Variants in TMEM243 observed in about 807,000 individuals in gnomAD.
The protein encoded by TMEM243 is transmembrane protein 243, also known as MDR1 and mitochondrial taxol resistance associated.
Under a neutral mutation model 15.0 loss-of-function variants are expected in TMEM243, and 20 were observed. The observed-to-expected ratio is 1.33, with a 90% CI of 0.94 to 1.93. The LOEUF (loss-of-function observed/expected upper bound fraction) is 1.93. Ranked by LOEUF, TMEM243 falls within the 30% of genes most tolerant of loss-of-function variation. The probability of loss-of-function intolerance (pLI) is 0.00; values close to 1 mark genes in which losing one functional copy is unlikely to be tolerated. For synonymous variants in TMEM243, 72 were observed against 52.7 expected (o/e 1.37, Z -1.59); for missense variants, 156 against 142.1 (o/e 1.10, Z -0.50).
At chr7:87,196,925 C>T (rs906698252) in intron 3 of TMEM243, among the ~76,000 whole-genome samples, 167 bp from the exon 4 acceptor site, 2 of 138,468 alleles carry the variant, frequency 1.4e-5, no homozygotes, top group African/African-American at 5.0e-5. Context: ...TTAATTCTTA[C>T]TCTGAGTTTC....
At chr7:87,197,613 T>C (rs1487915869) in intron 3 of TMEM243, 2 of 716,312 alleles carry the variant, frequency 2.8e-6, no homozygotes, top group Non-Finnish European at 4.1e-6. Flanking sequence ...CCAAAGACTG[T>C]TGGCCCTTAC....
At chr7:87,197,667 G>A in intron 3 of TMEM243, 2 of 1,244,364 alleles carry the variant, frequency 1.6e-6, no homozygotes, top group Non-Finnish European at 2.1e-6. Context: ...AAAATCTTTG[G>A]CCACCTACGT....
At chr7:87,208,148 T>C (rs1455110014) in intron 1 of TMEM243, among the ~76,000 whole-genome samples, 1 of 152,124 alleles carries the variant, frequency 6.6e-6, no homozygotes, top group Non-Finnish European at 1.5e-5. Context: ...TCAAAACCAA[T>C]CATGCCTTTG....
At chr7:87,218,543 T>C (rs1171802535) in intron 1 of TMEM243, 1 of 151,824 alleles carries the variant, frequency 6.6e-6, no homozygotes, top group East Asian at 1.9e-4. Context: ...GCATTACCTT[T>C]GGAGAGTTGA....
At chr7:87,209,842 CAGTGAGAGCGA>C (rs1410897879) in intron 1 of TMEM243, among the ~76,000 whole-genome samples, 9 of 117,882 alleles carry the variant, frequency 7.6e-5, no homozygotes, top group African/African-American at 2.2e-4. Context: ...GAGAGAGAGA[CAGTGAGAGCGA>C]GAGAGAGAGA....
At chr7:87,212,813 A>T (rs1247674732) in intron 1 of TMEM243, among the ~76,000 whole-genome samples, 1 of 152,170 alleles carries the variant, frequency 6.6e-6, no homozygotes, top group Non-Finnish European at 1.5e-5. Flanking sequence ...TTGGTAAGTC[A>T]TTGTCCCTAG....
At chr7:87,199,122 T>G (rs1801601813) in intron 1 of TMEM243, 65 bp from the exon 2 acceptor site, 2 of 1,331,238 alleles carry the variant, frequency 1.5e-6, no homozygotes, top group South Asian at 2.7e-5. Context: ...TATAGTACAA[T>G]GCAAGGCATT....
chr7:87,215,817 G>T (rs926732745), intron 1 of TMEM243, among the ~76,000 whole-genome samples: 1 of 152,190 alleles, frequency 6.6e-6, no homozygotes, highest in East Asian at 1.9e-4. Context: ...TCTTACAAAA[G>T]ATGAACACCT....
At chr7:87,211,291 C>T (rs995785184) in intron 1 of TMEM243, among the ~76,000 whole-genome samples, 1 of 152,216 alleles carries the variant, frequency 6.6e-6, no homozygotes, top group Admixed American at 6.5e-5. Flanking sequence ...CCCTTACCCT[C>T]CCTACCCACG....
At chr7:87,201,341 G>GAA (rs1281969360) in intron 1 of TMEM243, among the ~76,000 whole-genome samples, 1 of 152,194 alleles carries the variant, frequency 6.6e-6, no homozygotes, top group African/African-American at 2.4e-5. Context: ...AGAACTGCAA[G>GAA]AAATGCAGAA....
intron 1 of TMEM243, among the ~76,000 whole-genome samples, chr7:87,217,904 T>C (rs188388961): frequency 6.6e-6 from 1 of 152,244 alleles, no homozygotes; most frequent in Non-Finnish European, 1.5e-5. Context: ...AGTGTTTGCA[T>C]AAATGGACAA....
intron 1 of TMEM243, among the ~76,000 whole-genome samples, chr7:87,210,926 G>A (rs1362139114): frequency 6.6e-6 from 1 of 152,246 alleles, no homozygotes; most frequent in African/African-American, 2.4e-5. Flanking sequence ...AGCCACCAAG[G>A]TTTGGGGCTT....
At chr7:87,215,954 T>C (rs1413451667) in intron 1 of TMEM243, among the ~76,000 whole-genome samples, 1 of 151,878 alleles carries the variant, frequency 6.6e-6, no homozygotes, top group African/African-American at 2.4e-5. Flanking sequence ...GCCTGAGCAA[T>C]ACAGGAAGCC....
At chr7:87,207,520 T>C (rs62486483) in intron 1 of TMEM243, among the ~76,000 whole-genome samples, 1 of 59,508 alleles carries the variant, frequency 1.7e-5, no homozygotes, top group Non-Finnish European at 3.7e-5. Flanking sequence ...GGCGTGAACC[T>C]GGGAGGCGGA....
chr7:87,198,931 G>A (rs1801582076), intron 2 of TMEM243, 76 bp downstream of exon 2: 3 of 1,311,046 alleles, frequency 2.3e-6, no homozygotes, highest in African/African-American at 3.1e-5. Flanking sequence ...AGCTTTTTTT[G>A]GAAAGTTAAC....
Position 87,219,482 on chromosome 7 carries a change from T to C in TMEM243, c.22A>G (p.Thr8Ala). The C allele has an allele frequency of 6.2e-7, 1 of 1,614,210 alleles. No homozygotes were observed. Among genetic ancestry groups the C allele is most frequent in the Non-Finnish European group, 8.5e-7 (1 of 1,180,026 alleles). ...TTGTCCAGGCCACTGGTGCCGTAGGTCCTGGTAGCAAAGTCCTCCATTTTG... is the reference window on the plus strand; with the variant it reads ...TTGTCCAGGCCACTGGTGCCGTAGGCCCTGGTAGCAAAGTCCTCCATTTTG... MEDFATR[T>A]YGTSGLDNRP... Residue 8 changes from threonine (T) to alanine (A), a missense_variant, in exon 1 of 4, where the codon ACC becomes GCC. Transcript: ENST00000257637.
chr7:87,219,218 T>A (rs1803315855), intron 1 of TMEM243, among the ~76,000 whole-genome samples: 3 of 152,064 alleles, frequency 2.0e-5, no homozygotes, highest in African/African-American at 7.2e-5. Context: ...TTTTCTCCAC[T>A]CCAGCCTTCA....
chr7:87,198,766 T>C (rs1421492664), intron 2 of TMEM243: 1 of 484,268 alleles, frequency 2.1e-6, no homozygotes, highest in Non-Finnish European at 3.6e-6. Context: ...TTTTACAAAT[T>C]TACTAGGCAA....
At chr7:87,207,595 CAAA>C (rs575149921) in intron 1 of TMEM243, among the ~76,000 whole-genome samples, 1 of 4,798 alleles carries the variant, frequency 2.1e-4, no homozygotes, top group Non-Finnish European at 6.5e-4. Context: ...GACTCCGTCT[CAAA>C]AAAAAAAAAA....
Sources: gnomAD v4.1 joint callset for allele counts (sites outside exome capture counted in the v4.1 genomes callset) on GRCh38, gnomAD v4.1.1 for gene constraint, MANE v1.5 for transcripts, NCBI Gene and HGNC (gene_info 2026-07-23, HGNC 2026-07-21) for gene names.